The following UBTD1 variants were observed in gnomAD, a reference collection of about 807,000 sequenced individuals.
UBTD1 encodes ubiquitin domain containing 1.
UBTD1 carries 19 observed loss-of-function variants against 21.7 expected under a neutral mutation model. The observed-to-expected ratio is 0.87, with a 90% CI of 0.61 to 1.28. UBTD1 has a LOEUF of 1.28. Ranked by LOEUF, UBTD1 falls within the 50% of genes most tolerant of loss-of-function variation. The probability of loss-of-function intolerance (pLI) is 0.00; values close to 1 mark genes in which losing one functional copy is unlikely to be tolerated. For missense variants in UBTD1, 282 were observed against 315.1 expected (o/e 0.89, Z 0.80); for synonymous variants, 116 against 135.1 (o/e 0.86, Z 0.98).
At chr10:97,544,030 C>T (rs971434134) in intron 1 of UBTD1, among the ~76,000 whole-genome samples, 3 of 151,996 alleles carry the variant, frequency 2.0e-5, no homozygotes, top group Admixed American at 1.3e-4. Flanking sequence ...GTCTGTAATC[C>T]GAGCACTTTG....
intron 1 of UBTD1, among the ~76,000 whole-genome samples, chr10:97,500,184 T>A (rs2135647924): frequency 6.6e-6 from 1 of 152,322 alleles, no homozygotes; most frequent in East Asian, 1.9e-4. Flanking sequence ...ACACAGCTAG[T>A]TAGGAGCTCA....
At chr10:97,548,841 G>C (rs1036093384) in intron 1 of UBTD1, among the ~76,000 whole-genome samples, 2 of 152,190 alleles carry the variant, frequency 1.3e-5, no homozygotes, top group Non-Finnish European at 2.9e-5. Flanking sequence ...GTTTGTAATT[G>C]ATATCAGATA....
intron 1 of UBTD1, among the ~76,000 whole-genome samples, chr10:97,530,924 G>C (rs902560405): frequency 6.6e-6 from 1 of 151,876 alleles, no homozygotes; most frequent in South Asian, 2.1e-4. Flanking sequence ...GTCTGGCTCT[G>C]TTGCCCAGGC....
intron 1 of UBTD1, among the ~76,000 whole-genome samples, chr10:97,564,343 G>A (rs745754034): frequency 7.9e-5 from 12 of 152,274 alleles, no homozygotes; most frequent in Non-Finnish European, 1.2e-4. Flanking sequence ...GACATATTTC[G>A]AAATGGCCCT....
At chr10:97,547,601 G>C (rs1374807963) in intron 1 of UBTD1, among the ~76,000 whole-genome samples, 1 of 152,102 alleles carries the variant, frequency 6.6e-6, no homozygotes, top group South Asian at 2.1e-4. Context: ...GTCTTGCTCT[G>C]TTGCCCAGGC....
At chr10:97,545,389 T>TGTGG (rs61689860) in intron 1 of UBTD1, among the ~76,000 whole-genome samples, 48,127 of 108,856 alleles carry the variant, frequency 0.44, 8,297 homozygotes, top group East Asian at 0.61. Flanking sequence ...ATGGGGCTCG[T>TGTGG]GTGTGTGTGT....
chr10:97,516,083 C>T (rs971366582), intron 1 of UBTD1, among the ~76,000 whole-genome samples: 1 of 152,184 alleles, frequency 6.6e-6, no homozygotes, highest in African/African-American at 2.4e-5. Context: ...ATGGCTTTTC[C>T]AGTTGGGGCT....
At chr10:97,514,864 A>T (rs1373783671) in intron 1 of UBTD1, among the ~76,000 whole-genome samples, 1 of 152,138 alleles carries the variant, frequency 6.6e-6, no homozygotes, top group Non-Finnish European at 1.5e-5. Flanking sequence ...GGCCCCCCAA[A>T]GGGTTCCACT....
At chr10:97,552,393 C>CT (rs60160152) in intron 1 of UBTD1, among the ~76,000 whole-genome samples, 4,779 of 119,682 alleles carry the variant, frequency 0.04, 399 homozygotes, top group African/African-American at 0.14. Flanking sequence ...ATTATACACC[C>CT]TTTTTTTTTT....
chr10:97,499,400 C>G (rs984142112), intron 1 of UBTD1, 127 bp downstream of exon 1: 2 of 1,227,292 alleles, frequency 1.6e-6, no homozygotes, highest in Non-Finnish European at 1.1e-6. Flanking sequence ...TGGGCTGCTC[C>G]GCAGCCAGAG....
intron 1 of UBTD1, among the ~76,000 whole-genome samples, chr10:97,544,829 TAATA>T (rs1306287418): frequency 2.0e-5 from 3 of 151,914 alleles, no homozygotes; most frequent in Non-Finnish European, 2.9e-5. Flanking sequence ...TGTCTCCAAA[TAATA>T]AATAAATAAA....
At chr10:97,546,915 C>CTCTG in intron 1 of UBTD1, among the ~76,000 whole-genome samples, 1 of 152,306 alleles carries the variant, frequency 6.6e-6, no homozygotes, top group East Asian at 1.9e-4. Context: ...CTCTCTCTCT[C>CTCTG]TCTGTCTGTC....
chr10:97,512,022 C>T (rs2040424897), intron 1 of UBTD1, among the ~76,000 whole-genome samples: 1 of 152,112 alleles, frequency 6.6e-6, no homozygotes, highest in Admixed American at 6.5e-5. Context: ...TGGGAAACTG[C>T]CTCTCAATAT....
At chr10:97,562,693 C>T (rs897430950) in intron 1 of UBTD1, among the ~76,000 whole-genome samples, 5 of 152,090 alleles carry the variant, frequency 3.3e-5, no homozygotes, top group Admixed American at 3.3e-4. Flanking sequence ...CAGTTAGGGG[C>T]AGGAACAAAT....
In UBTD1 at chr10:97,567,995, G is replaced by A. The variant is rs1246986884; in HGVS notation, c.152G>A (p.Arg51Gln). Reference protein sequence around the residue: ...PMTDGQLRSKRDEFWDTAPAF... With the variant: ...PMTDGQLRSKQDEFWDTAPAF... ...ACTGACGGGCAGCTGCGGAGCAAAC[G>A]GGATGAGTTCTGGGACACAGCGCCT... Residue 51 changes from arginine (R) to glutamine (Q), a missense_variant, in exon 2 of 3, where the codon CGG (arginine) becomes CAG (glutamine). Transcript: ENST00000370664. 8.7e-6 allele frequency: 14 copies of A among 1,614,016 alleles called. No homozygotes were observed. Among genetic ancestry groups the A allele is most frequent in the African/African-American group, 1.3e-5 (1 of 74,922 alleles).
At chr10:97,522,950 TC>T (rs879747043) in intron 1 of UBTD1, among the ~76,000 whole-genome samples, 3 of 152,204 alleles carry the variant, frequency 2.0e-5, no homozygotes, top group Non-Finnish European at 2.9e-5. Context: ...CCTTTCTTTT[TC>T]CGCTGTCTCC....
intron 1 of UBTD1, among the ~76,000 whole-genome samples, chr10:97,518,973 G>A (rs1418463785): frequency 7.2e-5 from 11 of 152,164 alleles, no homozygotes; most frequent in East Asian, 1.9e-4. Flanking sequence ...GGCCCAGAGA[G>A]GTTGTGTAAT....
chr10:97,517,839 C>G (rs1181243390), intron 1 of UBTD1, among the ~76,000 whole-genome samples: 2 of 152,044 alleles, frequency 1.3e-5, no homozygotes, highest in Non-Finnish European at 2.9e-5. Context: ...ATCCCTTCAC[C>G]CACACTGGCT....
chr10:97,567,848 G>T, intron 1 of UBTD1, 66 bp from the exon 2 acceptor site: 5 of 1,504,550 alleles, frequency 3.3e-6, no homozygotes, highest in Admixed American at 1.9e-5. Flanking sequence ...GGGGAGGGGA[G>T]GGGGAGGGCA....
Sources: allele counts gnomAD v4.1 joint callset (sites outside exome capture counted in the v4.1 genomes callset), GRCh38; gene constraint gnomAD v4.1.1; transcripts MANE v1.5; gene names NCBI Gene and HGNC (gene_info 2026-07-23, HGNC 2026-07-21).